Variants in DCAKD observed in about 807,000 individuals in gnomAD.
The protein encoded by DCAKD is dephospho-CoA kinase domain containing.
In DCAKD, 15 loss-of-function variants were observed where a neutral mutation model predicts 18.7. That is an observed-to-expected ratio of 0.80 (90% CI 0.54 to 1.24). The LOEUF is 1.24. Ranked by LOEUF, DCAKD falls within the 50% of genes most tolerant of loss-of-function variation. The pLI is 0.00. For synonymous variants in DCAKD, 130 were observed against 133.0 expected (o/e 0.98, Z 0.16); for missense variants, 301 against 322.0 (o/e 0.93, Z 0.50).
At position 45,030,180 on chromosome 17, in the gene DCAKD, C is replaced by T. The variant is rs778164914; in HGVS notation, c.317-1G>A. The T allele has an allele frequency of 1.2e-6, 2 of 1,614,026 alleles. No homozygotes were observed. Among genetic ancestry groups the T allele is most frequent in the Non-Finnish European group, 1.7e-6 (2 of 1,179,906 alleles). ...ATATCCAGAATCACGTAGCGGTATC[C>T]TGGGGAGAGGTTGGAAATCCCCCAA... On this transcript the variant is annotated splice_acceptor_variant, in intron 3 of 4. Coordinates refer to ENST00000651974, the MANE Select transcript of DCAKD (RefSeq NM_001288655.2). LOFTEE classifies it high-confidence loss of function.
intron 1 of DCAKD, among the ~76,000 whole-genome samples, chr17:45,057,319 A>G (rs770591713): frequency 6.6e-6 from 1 of 151,770 alleles, no homozygotes; most frequent in South Asian, 2.1e-4. Context: ...TTGGGATTAC[A>G]GGCATGAGCC....
Position 45,059,239 on chromosome 17 carries a change from C to A in DCAKD, c.-118+1649G>T, listed in dbSNP as rs7224096. On this transcript the variant is annotated intron_variant, in intron 1 of 4. Coordinates refer to the DCAKD transcript ENST00000310604. ...TGGGCGACAGAGCAAGAGAGCGAGA[C>A]TCCGTCTCAGAAAAAAAAAAGAAAG... 1.7e-3 allele frequency among the ~76,000 whole-genome samples: 251 copies of A among 151,136 alleles called. 1 individual carries two copies. Among genetic ancestry groups the A allele is most frequent in the African/African-American group, 5.8e-3 (238 of 41,274 alleles).
At position 45,034,341 on chromosome 17, in the gene DCAKD, G is replaced by C. The variant is rs779603355; in HGVS notation, c.162C>G (p.Gly54=). The C allele has an allele frequency of 6.2e-7, 1 of 1,614,058 alleles. No homozygotes were observed. Among genetic ancestry groups the C allele is most frequent in the East Asian group, 2.2e-5 (1 of 44,880 alleles). The change falls in exon 3 of 5, where the codon GGC becomes GGG. Residue 54 remains glycine (G), a synonymous_variant. Coordinates refer to ENST00000651974, the MANE Select transcript of DCAKD (RefSeq NM_001288655.2). ...CGCCGTTCTCCAGCAAGACCTCAGT[G>C]CCGAAGACCTCTACGATGCGCCGGT... The part of the protein sequence containing the change: ...PAHRRIVEVF[G]TEVLLENGDI...
intron 4 of DCAKD, among the ~76,000 whole-genome samples, chr17:45,025,632 A>G (rs1365917828): frequency 2.6e-5 from 4 of 152,048 alleles, no homozygotes; most frequent in South Asian, 4.1e-4. Flanking sequence ...ACAAGAGCAC[A>G]AGGGGTTGCA....
intron 2 of DCAKD, 26 bp from the exon 3 acceptor site, chr17:45,034,416 C>A: frequency 1.2e-6 from 2 of 1,612,232 alleles, no homozygotes; most frequent in South Asian, 2.2e-5. Flanking sequence ...GAAGCTGGGT[C>A]ACTCCCTGAA....
At chr17:45,035,192 C>T (rs2053267057) in intron 1 of DCAKD, 193 bp from the exon 2 acceptor site, 2 of 315,004 alleles carry the variant, frequency 6.3e-6, no homozygotes, top group Admixed American at 4.5e-5. Flanking sequence ...GCAAAGAAGG[C>T]AAATGTGGCC....
chr17:45,044,689 C>CAGTA (rs1443737237), intron 1 of DCAKD, among the ~76,000 whole-genome samples: 3 of 147,316 alleles, frequency 2.0e-5, no homozygotes, highest in African/African-American at 7.6e-5. Context: ...GAGACTCCAT[C>CAGTA]AATAAATAAA....
intron 1 of DCAKD, among the ~76,000 whole-genome samples, chr17:45,040,315 A>G (rs1445188927): frequency 7.1e-6 from 1 of 141,348 alleles, no homozygotes; most frequent in African/African-American, 2.7e-5. Context: ...TGAACCCGGG[A>G]GGCGGAGGTT....
chr17:45,024,620 C>A lies in DCAKD; in HGVS notation c.509G>T (p.Arg170Leu), dbSNP rs143056376. 59 of 1,613,754 alleles carry A rather than the reference C, an allele frequency of 3.7e-5. No homozygotes were observed. In the African/African-American group the frequency reaches 6.9e-4, roughly 19 times the overall value. ...NAQLPLTDKA[R>L]MARHVLDNSG... Reference sequence around the variant, plus strand: ...GTTGTCTAGGACATGGCGGGCCATGCGGGCCTTGTCTGTCAGGGGCAGCTG... The same window carrying A: ...GTTGTCTAGGACATGGCGGGCCATGAGGGCCTTGTCTGTCAGGGGCAGCTG... Residue 170 changes from arginine (R) to leucine (L), a missense_variant, in exon 5 of 5, where the codon CGC becomes CTC. By Grantham distance (102) the Arg-to-Leu change is moderately radical (BLOSUM62 -2). Transcript: ENST00000651974.
intron 4 of DCAKD, among the ~76,000 whole-genome samples, chr17:45,028,912 C>T (rs1269218628): frequency 6.5e-4 from 91 of 139,276 alleles, no homozygotes; most frequent in Middle Eastern, 5.2e-3. Flanking sequence ...ACCATGTTGG[C>T]CAGGCTGGTC....
At chr17:45,032,235 G>A (rs1210425653) in intron 3 of DCAKD, 1 of 536,540 alleles carries the variant, frequency 1.9e-6, no homozygotes, top group Non-Finnish European at 2.4e-6. Context: ...AGAGTCCAGA[G>A]GGAGGACTCT....
chr17:45,047,552 C>T (rs1386271344), intron 1 of DCAKD, among the ~76,000 whole-genome samples: 3 of 142,590 alleles, frequency 2.1e-5, no homozygotes, highest in African/African-American at 5.2e-5. Context: ...GTTGCCCAGG[C>T]TGGAATGCAG....
At chr17:45,030,370 T>C (rs1292249035) in intron 3 of DCAKD, among the ~76,000 whole-genome samples, 191 bp from the exon 4 acceptor site, 2 of 152,210 alleles carry the variant, frequency 1.3e-5, no homozygotes, top group Non-Finnish European at 2.9e-5. Flanking sequence ...TCTGGATAGC[T>C]GATCAGGGAA....
chr17:45,039,545 C>T (rs2053380579), intron 1 of DCAKD, among the ~76,000 whole-genome samples: 1 of 152,188 alleles, frequency 6.6e-6, no homozygotes, highest in Non-Finnish European at 1.5e-5. Context: ...AGTGGAAAGT[C>T]CTGGGTCCTG....
At chr17:45,049,713 C>CTTTTTTTTT (rs57106886) in intron 1 of DCAKD, among the ~76,000 whole-genome samples, 4 of 111,874 alleles carry the variant, frequency 3.6e-5, no homozygotes, top group Non-Finnish European at 5.2e-5. Context: ...TTTTCTTTTC[C>CTTTTTTTTT]TTTTTTTTTT....
chr17:45,033,313 C>T (rs1255599994), intron 3 of DCAKD, among the ~76,000 whole-genome samples: 17 of 152,338 alleles, frequency 1.1e-4, no homozygotes, highest in Non-Finnish European at 4.4e-5. Context: ...CCCACCCTGG[C>T]CATCTTGGTC....
intron 4 of DCAKD, among the ~76,000 whole-genome samples, chr17:45,026,381 C>T (rs1038853482): frequency 6.6e-6 from 1 of 151,958 alleles, no homozygotes; most frequent in African/African-American, 2.4e-5. Flanking sequence ...GCGCCCGCCA[C>T]CACACCTGGC....
chr17:45,044,508 A>G (rs111799318), intron 1 of DCAKD, among the ~76,000 whole-genome samples: 4 of 152,148 alleles, frequency 2.6e-5, no homozygotes, highest in African/African-American at 9.7e-5. Context: ...CCTGGCCAAC[A>G]TAGCAAAATC....
intron 3 of DCAKD, chr17:45,031,543 T>C: frequency 4.1e-6 from 4 of 985,346 alleles, no homozygotes; most frequent in Non-Finnish European, 4.8e-6. Flanking sequence ...TGCCCCAAAA[T>C]GATAGTTACT....
Sources: gnomAD v4.1 joint callset for allele counts (sites outside exome capture counted in the v4.1 genomes callset) on GRCh38, gnomAD v4.1.1 for gene constraint, MANE v1.5 for transcripts, NCBI Gene and HGNC (gene_info 2026-07-23, HGNC 2026-07-21) for gene names.